Variants in PARD3B observed in about 807,000 individuals in gnomAD.
PARD3B encodes the protein par-3 family cell polarity regulator beta.
In PARD3B, 103 loss-of-function variants were observed where a neutral mutation model predicts 130.2. That is an observed-to-expected ratio of 0.79 (90% CI 0.67 to 0.93). The LOEUF is 0.93. Among genes scored for constraint, PARD3B ranks in the 40% least tolerant of loss-of-function variants. The pLI, the probability that PARD3B is intolerant of heterozygous loss-of-function variation, is 0.00. For synonymous variants in PARD3B, 583 were observed against 553.2 expected (o/e 1.05, Z -0.76); for missense variants, 1,609 against 1,499.2 (o/e 1.07, Z -1.21).
intron 20 of PARD3B, among the ~76,000 whole-genome samples, chr2:205,453,065 C>T (rs775645024): frequency 4.6e-5 from 7 of 152,108 alleles, no homozygotes; most frequent in African/African-American, 7.2e-5. Context: ...TTCTTCACTT[C>T]GACATAAAAT....
chr2:205,417,446 G>T (rs984536418), intron 19 of PARD3B, among the ~76,000 whole-genome samples: 2 of 152,302 alleles, frequency 1.3e-5, no homozygotes, highest in African/African-American at 4.8e-5. Context: ...TATATGCCCA[G>T]TAATGGGATG....
At chr2:204,981,965 GA>G (rs905867211) in intron 3 of PARD3B, among the ~76,000 whole-genome samples, 4 of 151,880 alleles carry the variant, frequency 2.6e-5, no homozygotes, top group Non-Finnish European at 5.9e-5. Context: ...AAAAAATCAA[GA>G]CATTGTGTGT....
chr2:205,506,257 C>T (rs533740075), intron 21 of PARD3B, among the ~76,000 whole-genome samples: 378 of 152,168 alleles, frequency 2.5e-3, no homozygotes, highest in Non-Finnish European at 4.1e-3. Flanking sequence ...CACTTGAACC[C>T]GGGAGGCGGA....
At chr2:205,056,207 C>A (rs572106974) in intron 4 of PARD3B, among the ~76,000 whole-genome samples, 8 of 150,586 alleles carry the variant, frequency 5.3e-5, no homozygotes, top group Non-Finnish European at 1.2e-4. Context: ...CGATAGGGGA[C>A]GTTTTTTTTT....
At chr2:205,271,360 A>G (rs1216705081) in intron 16 of PARD3B, among the ~76,000 whole-genome samples, 1 of 152,176 alleles carries the variant, frequency 6.6e-6, no homozygotes, top group African/African-American at 2.4e-5. Context: ...ATGGTGGGAC[A>G]CCCCCATAAT....
At chr2:205,056,601 A>T (rs936291229) in intron 4 of PARD3B, among the ~76,000 whole-genome samples, 1 of 151,574 alleles carries the variant, frequency 6.6e-6, no homozygotes, top group African/African-American at 2.4e-5. Context: ...AAAAAAAAAA[A>T]TTGCTACTTT....
intron 19 of PARD3B, among the ~76,000 whole-genome samples, chr2:205,423,748 C>T (rs1281196739): frequency 1.3e-5 from 2 of 152,152 alleles, no homozygotes; most frequent in African/African-American, 4.8e-5. Context: ...CCGTGGAATA[C>T]TCTGCAGCCA....
chr2:204,965,113 G>T, intron 2 of PARD3B, 39 bp from the exon 3 acceptor site: 1 of 1,596,334 alleles, frequency 6.3e-7, no homozygotes, highest in South Asian at 1.1e-5. Context: ...TGGTATGCAT[G>T]TCCTACAAAG....
intron 15 of PARD3B, among the ~76,000 whole-genome samples, chr2:205,224,028 C>A (rs1365755562): frequency 6.7e-6 from 1 of 148,954 alleles, no homozygotes; most frequent in Admixed American, 6.7e-5. Context: ...CACACCACTG[C>A]ACTCCAGCCT....
intron 22 of PARD3B, among the ~76,000 whole-genome samples, chr2:205,605,168 G>A (rs1037216815): frequency 1.3e-5 from 2 of 152,182 alleles, no homozygotes; most frequent in Non-Finnish European, 2.9e-5. Flanking sequence ...CTTTAGCTCA[G>A]TGAAGTTTGT....
intron 2 of PARD3B, among the ~76,000 whole-genome samples, chr2:204,733,244 A>T (rs1471940514): frequency 2.0e-5 from 3 of 152,186 alleles, no homozygotes; most frequent in Non-Finnish European, 2.9e-5. Context: ...GTGATATACA[A>T]TAATACCACT....
intron 16 of PARD3B, among the ~76,000 whole-genome samples, chr2:205,273,830 C>T (rs1256041724): frequency 4.6e-5 from 7 of 152,132 alleles, no homozygotes; most frequent in Non-Finnish European, 7.3e-5. Flanking sequence ...TATTTGTAAA[C>T]ATAGTTAGAA....
At chr2:204,572,807 T>C (rs2032070538) in intron 1 of PARD3B, among the ~76,000 whole-genome samples, 1 of 152,118 alleles carries the variant, frequency 6.6e-6, no homozygotes, top group Non-Finnish European at 1.5e-5. Context: ...TGCCAGCCAA[T>C]GGAAATACAA....
chr2:204,750,619 TACATACATACATACACACAC>T (rs1388332655), intron 2 of PARD3B, among the ~76,000 whole-genome samples: 1 of 151,562 alleles, frequency 6.6e-6, no homozygotes, highest in Non-Finnish European at 1.5e-5. Context: ...CATACATACA[TACATACATACATACACACAC>T]ACATACATAC....
chr2:205,609,000 C>T (rs1575478911), intron 22 of PARD3B, among the ~76,000 whole-genome samples: 1 of 152,194 alleles, frequency 6.6e-6, no homozygotes, highest in East Asian at 1.9e-4. Context: ...CCCCTCTTCT[C>T]ATAACACAAT....
chr2:205,274,311 T>C lies in PARD3B; in HGVS notation c.2186-26219T>C, dbSNP rs2040854416. ...ATTGGTATTAGGATATACTATATAC[T>C]TGAAACTTAGAAAATTTGCAAGAAT... On this transcript the variant is annotated intron_variant, in intron 16 of 22. Transcript: ENST00000406610. This position sits in a 1 kb window ranked among gnomAD's most constrained non-coding sequence, Gnocchi z 4.2. 6.6e-6 allele frequency among the ~76,000 whole-genome samples: 1 copy of C among 152,104 alleles called. No homozygotes were observed. Among genetic ancestry groups the C allele is most frequent in the Non-Finnish European group, 1.5e-5 (1 of 67,986 alleles).
rs1253563459 is a variant in PARD3B at position 204,987,499 on chromosome 2, TTGTC to T, written c.394+22182_394+22185del. On this transcript the variant is annotated intron_variant, in intron 3 of 22. Coordinates refer to ENST00000406610, the MANE Select transcript of PARD3B (RefSeq NM_001302769.2). ...GATACATACTTATTTGTGTATGTGT[TTGTC>T]TGTCTTCTCTTTCTAGAAGGTATGT... 5.9e-5 allele frequency among the ~76,000 whole-genome samples: 9 copies of T among 152,320 alleles called. No individual in the cohort carries two copies. The East Asian group carries it at 1.7e-3, about 29-fold the overall frequency.
At chr2:205,234,680 A>G (rs574247435) in intron 15 of PARD3B, among the ~76,000 whole-genome samples, 1 of 152,340 alleles carries the variant, frequency 6.6e-6, no homozygotes, top group African/African-American at 2.4e-5. Context: ...CAATATTATC[A>G]ACTATCTTGA....
chr2:204,782,624 TGAGTA>T (rs1006387696), intron 2 of PARD3B, among the ~76,000 whole-genome samples: 16 of 151,794 alleles, frequency 1.1e-4, no homozygotes, highest in African/African-American at 2.4e-4. Flanking sequence ...TTTATCTGCT[TGAGTA>T]GAGTATGCCA....
Sources: allele counts gnomAD v4.1 joint callset (sites outside exome capture counted in the v4.1 genomes callset), GRCh38; gene constraint gnomAD v4.1.1; non-coding constraint Gnocchi (gnomAD v3.1); transcripts MANE v1.5; gene names NCBI Gene and HGNC (gene_info 2026-07-23, HGNC 2026-07-21).